The following CNTRL variants were observed in gnomAD, a reference collection of about 807,000 sequenced individuals.
The protein encoded by CNTRL is 110 kDa centrosomal protein.
In CNTRL, 233 loss-of-function variants were observed where a neutral mutation model predicts 303.7. The ratio of observed to expected loss-of-function variants is 0.77; its 90% CI spans 0.69 to 0.86. CNTRL has a LOEUF of 0.86. Ranked by LOEUF, CNTRL falls within the 40% of genes least tolerant of loss-of-function variation. The pLI is 0.00. For synonymous variants in CNTRL, 900 were observed against 922.2 expected (o/e 0.98, Z 0.44); for missense variants, 2,524 against 2,650.6 (o/e 0.95, Z 1.05).
At chr9:121,086,054 A>G (rs2048328798) in intron 2 of CNTRL, among the ~76,000 whole-genome samples, 1 of 152,214 alleles carries the variant, frequency 6.6e-6, no homozygotes, top group African/African-American at 2.4e-5. Flanking sequence ...TAAAAGTTGA[A>G]TCTAGGGCAG....
At chr9:121,167,702 T>TA (rs754903816) in intron 37 of CNTRL, 25 bp downstream of exon 37, 7 of 1,594,610 alleles carry the variant, frequency 4.4e-6, no homozygotes, top group Non-Finnish European at 6.0e-6. Context: ...TGATTTTACA[T>TA]AAAAAAAGCA....
intron 31 of CNTRL, 30 bp downstream of exon 31, chr9:121,159,049 G>T: frequency 1.2e-6 from 2 of 1,600,488 alleles, no homozygotes; most frequent in Non-Finnish European, 8.5e-7. Context: ...TTTCTGAAGA[G>T]TCGTAGGACA....
rs1336097955 is a variant in CNTRL at position 121,090,329 on chromosome 9, T to G, written c.272T>G (p.Leu91Arg). The change falls in exon 4 of 44, where the codon CTT becomes CGT. Residue 91 changes from leucine to arginine, a missense_variant. Coordinates refer to ENST00000373855, the MANE Select transcript of CNTRL (RefSeq NM_007018.6). ...RYITEALIKKLTKQDNLALIK... is the reference protein window; with the variant it reads ...RYITEALIKKRTKQDNLALIK... ...ATTACAGAGGCCCTCATTAAAAAAC[T>G]TACTAAACAGGATAATTTGGCTTTG... is the stretch of plus-strand genomic sequence containing the variant. 3.1e-6 allele frequency: 5 copies of G among 1,612,730 alleles called. No individual in the cohort carries two copies. Among genetic ancestry groups the G allele is most frequent in the East Asian group, 4.5e-5 (2 of 44,732 alleles).
At chr9:121,123,908 G>T (rs1469093518) in intron 12 of CNTRL, 23 bp from the exon 13 acceptor site, 1 of 1,528,888 alleles carries the variant, frequency 6.5e-7, no homozygotes, top group Non-Finnish European at 8.8e-7. Context: ...TTGGAGTTTT[G>T]TTGATTTTTT....
intron 18 of CNTRL, among the ~76,000 whole-genome samples, 198 bp from the exon 19 acceptor site, chr9:121,141,893 T>A (rs1442910836): frequency 6.6e-6 from 1 of 152,198 alleles, no homozygotes; most frequent in African/African-American, 2.4e-5. Flanking sequence ...TATTTTTTGA[T>A]GTGATGATTT....
At position 121,122,939 on chromosome 9, in the gene CNTRL, G is replaced by C. The variant is rs181150496; in HGVS notation, c.1651-992G>C. 5.3e-5 allele frequency among the ~76,000 whole-genome samples: 8 copies of C among 152,258 alleles called. No homozygotes were observed. In the East Asian group the frequency reaches 1.4e-3, roughly 26 times the overall value. ...TCCATTTTGAGACTCACCGGGCTAA[G>C]TGGTCTTTGAGGTCCCTGTCAGCTC... On this transcript the variant is annotated intron_variant, in intron 12 of 43. Transcript: ENST00000373855.
At chr9:121,122,904 C>T (rs1480531917) in intron 12 of CNTRL, among the ~76,000 whole-genome samples, 1 of 152,064 alleles carries the variant, frequency 6.6e-6, no homozygotes, top group Non-Finnish European at 1.5e-5. Context: ...GGTATACCTC[C>T]TTAGGGCCCT....
intron 4 of CNTRL, among the ~76,000 whole-genome samples, chr9:121,094,315 A>G (rs983381953): frequency 2.0e-5 from 3 of 152,090 alleles, no homozygotes; most frequent in Admixed American, 6.5e-5. Context: ...GCGTCATGAC[A>G]TGGTAGAAGG....
chr9:121,127,620 A>G (rs1405795339), intron 14 of CNTRL, among the ~76,000 whole-genome samples: 1 of 151,676 alleles, frequency 6.6e-6, no homozygotes, highest in Non-Finnish European at 1.5e-5. Flanking sequence ...CATTTGCTTT[A>G]TCTCCTCATA....
At chr9:121,083,259 T>TAA (rs2048216371) in intron 2 of CNTRL, among the ~76,000 whole-genome samples, 3 of 152,224 alleles carry the variant, frequency 2.0e-5, no homozygotes, top group Non-Finnish European at 2.9e-5. Flanking sequence ...AACTTTAAAC[T>TAA]TTTTAAAAAC....
At chr9:121,100,181 G>A (rs2049086256) in intron 7 of CNTRL, among the ~76,000 whole-genome samples, 1 of 152,192 alleles carries the variant, frequency 6.6e-6, no homozygotes, top group Non-Finnish European at 1.5e-5. Context: ...TACCCACAAG[G>A]GAAGCCCATC....
rs150183162 is a variant in CNTRL at position 121,096,628 on chromosome 9, A to T, written c.621+65A>T. On this transcript the variant is annotated intron_variant, in intron 6 of 43. Transcript: ENST00000373855. ...AAAAATAAAAGATTAAAAATATCTAAGTTTTTTAAAAATGGGATTTCTTCT... is the reference window on the plus strand; with the variant it reads ...AAAAATAAAAGATTAAAAATATCTATGTTTTTTAAAAATGGGATTTCTTCT... The T allele has an allele frequency of 3.3e-4, 420 of 1,266,640 alleles. 4 individuals carry two copies. In the African/African-American group the frequency reaches 5.7e-3, roughly 17 times the overall value. The allele number at this position is 1,266,640 out of a possible 1,614,324, so 78.5% of individuals were successfully genotyped here. A position where few individuals can be genotyped will look rare whatever the true frequency, so the allele number is the denominator to read the frequency against.
intron 5 of CNTRL, 89 bp from the exon 6 acceptor site, chr9:121,096,333 C>A: frequency 1.3e-6 from 1 of 768,016 alleles, no homozygotes; most frequent in Non-Finnish European, 1.8e-6. Flanking sequence ...AGTAATCTAA[C>A]ATGGAGCTAA....
chr9:121,148,318 AG>A (rs2134160559), intron 23 of CNTRL, among the ~76,000 whole-genome samples: 1 of 152,196 alleles, frequency 6.6e-6, no homozygotes, highest in East Asian at 1.9e-4. Context: ...GGCTTTTGAA[AG>A]GATAAATAGA....
At chr9:121,110,408 C>G (rs143402958) in intron 8 of CNTRL, among the ~76,000 whole-genome samples, 1 of 151,928 alleles carries the variant, frequency 6.6e-6, no homozygotes. Flanking sequence ...AGAATAATGC[C>G]AATACTAAAA....
rs568408636 is a variant in CNTRL, at chr9:121,114,741, C to T, written c.1346-350C>T. Among the ~76,000 whole-genome samples the T allele has an allele frequency of 5.9e-5, 9 of 152,192 alleles. No individual in the cohort carries two copies. In the South Asian group the frequency reaches 1.9e-3, roughly 32 times the overall value. On this transcript the variant is annotated intron_variant, in intron 10 of 43. Coordinates refer to ENST00000373855, the MANE Select transcript of CNTRL (RefSeq NM_007018.6). ...GGTTTTATGGGTTATTTTTAATATC[C>T]TGAACCTAATTATAACTTAGTAACA...
chr9:121,113,512 T>C lies in CNTRL; in HGVS notation c.1133T>C (p.Ile378Thr). The change falls in exon 10 of 44, where the codon ATT (isoleucine) becomes ACT (threonine). Residue 378 changes from isoleucine to threonine, a missense_variant. By Grantham distance (89) the Ile-to-Thr change is moderately conservative. Coordinates refer to ENST00000373855, the MANE Select transcript of CNTRL (RefSeq NM_007018.6). ...LNYYPSEYAE[I>T]DKAPDESPYI... Reference sequence around the variant, plus strand: ...TTATTTTGCTTTTAGTATGCTGAAATTGATAAAGCCCCAGATGAAAGCCCT... The same window carrying C: ...TTATTTTGCTTTTAGTATGCTGAAACTGATAAAGCCCCAGATGAAAGCCCT... 4.5e-6 allele frequency: 7 copies of C among 1,570,100 alleles called. No homozygotes were observed. The highest frequency in any genetic ancestry group is 6.0e-6 in the Non-Finnish European group (7 of 1,164,076).
chr9:121,161,345 T>C (rs1352126068), intron 32 of CNTRL: 3 of 407,522 alleles, frequency 7.4e-6, no homozygotes, highest in African/African-American at 2.1e-5. Flanking sequence ...AATATCTGTA[T>C]TTCAAAGGCC....
intron 42 of CNTRL, 60 bp from the exon 43 acceptor site, chr9:121,174,958 G>A (rs1320147665): frequency 1.3e-5 from 19 of 1,455,940 alleles, no homozygotes; most frequent in Non-Finnish European, 1.6e-5. Context: ...TGAGGAAGCT[G>A]AGCGGCAGTT....
Sources: allele counts gnomAD v4.1 joint callset (sites outside exome capture counted in the v4.1 genomes callset), GRCh38; gene constraint gnomAD v4.1.1; transcripts MANE v1.5; gene names NCBI Gene and HGNC (gene_info 2026-07-23, HGNC 2026-07-21).